The following TMEM132D variants were observed in gnomAD, a reference collection of about 807,000 sequenced individuals.
The protein encoded by TMEM132D is mature OL transmembrane protein.
TMEM132D carries 21 observed loss-of-function variants against 62.3 expected under a neutral mutation model. The observed-to-expected ratio is 0.34, with a 90% CI of 0.24 to 0.49. The LOEUF is 0.49. TMEM132D is among the 20% of genes least tolerant of loss of function. The pLI is 0.99. For missense variants in TMEM132D, 1,346 were observed against 1,402.8 expected (o/e 0.96, Z 0.65); for synonymous variants, 621 against 575.6 (o/e 1.08, Z -1.13).
chr12:129,572,642 T>A (rs899473112), intron 2 of TMEM132D, among the ~76,000 whole-genome samples: 5 of 151,936 alleles, frequency 3.3e-5, no homozygotes, highest in African/African-American at 1.2e-4. Flanking sequence ...AGAGATGGGG[T>A]TTCTCCATGT....
rs1325330116 is a variant in TMEM132D at position 129,833,624 on chromosome 12, C to CA, written c.79+69636dup. 2.6e-5 allele frequency among the ~76,000 whole-genome samples: 4 copies of CA among 151,902 alleles called. No homozygotes were observed. In the South Asian group the frequency reaches 6.2e-4, roughly 24 times the overall value. ...TGGGCAACAGAGCAAGACCCTATCT[C>CA]AAAAAAACAAAAAACTCAGAATATT... On this transcript the variant is annotated intron_variant, in intron 1 of 8. Coordinates refer to ENST00000422113, the MANE Select transcript of TMEM132D (RefSeq NM_133448.3).
At chr12:129,735,918 C>A (rs1245348464) in intron 1 of TMEM132D, among the ~76,000 whole-genome samples, 1 of 152,164 alleles carries the variant, frequency 6.6e-6, no homozygotes, top group Non-Finnish European at 1.5e-5. Flanking sequence ...ATGGCTGAAG[C>A]ACGAATGAGG....
chr12:129,224,281 G>A (rs1333427707), intron 4 of TMEM132D, among the ~76,000 whole-genome samples: 1 of 151,894 alleles, frequency 6.6e-6, no homozygotes, highest in Non-Finnish European at 1.5e-5. Flanking sequence ...CCATTTTCCC[G>A]GGGATCCTCC....
intron 2 of TMEM132D, among the ~76,000 whole-genome samples, chr12:129,634,320 A>G (rs1879423086): frequency 6.6e-6 from 1 of 151,918 alleles, no homozygotes; most frequent in South Asian, 2.1e-4. Flanking sequence ...GTTAAAAAAA[A>G]AAAATTAGCG....
intron 4 of TMEM132D, among the ~76,000 whole-genome samples, chr12:129,226,455 G>A (rs529490124): frequency 1.3e-4 from 20 of 152,288 alleles, no homozygotes; most frequent in African/African-American, 4.6e-4. Context: ...CCTGTCTGCC[G>A]CGGCACCAGA....
At chr12:129,559,491 G>T (rs1019023875) in intron 2 of TMEM132D, among the ~76,000 whole-genome samples, 2 of 152,132 alleles carry the variant, frequency 1.3e-5, no homozygotes, top group Non-Finnish European at 1.5e-5. Context: ...GAAGACGCTG[G>T]TTATTTTTTC....
At chr12:129,724,339 G>A (rs2137246851) in intron 1 of TMEM132D, among the ~76,000 whole-genome samples, 1 of 152,278 alleles carries the variant, frequency 6.6e-6, no homozygotes, top group African/African-American at 2.4e-5. Flanking sequence ...AGAAACAGGA[G>A]ACATAGAACA....
intron 6 of TMEM132D, 131 bp from the exon 7 acceptor site, chr12:129,082,163 C>T: frequency 8.8e-7 from 1 of 1,132,814 alleles, no homozygotes. Context: ...GCCAGACATG[C>T]AGAGGTGAAC....
chr12:129,181,021 TGAG>T (rs1878051641), intron 5 of TMEM132D, among the ~76,000 whole-genome samples: 1 of 152,078 alleles, frequency 6.6e-6, no homozygotes, highest in East Asian at 1.9e-4. Flanking sequence ...AAACCAGTTA[TGAG>T]GATGCTGCCA....
chr12:129,105,144 A>G (rs12366318), intron 5 of TMEM132D, among the ~76,000 whole-genome samples: 4 of 91,240 alleles, frequency 4.4e-5, no homozygotes, highest in African/African-American at 1.3e-4. Flanking sequence ...GAACCAACCC[A>G]AATGTCCAAC....
At chr12:129,289,253 AACTGCCCTGGC>A (rs1881381822) in intron 4 of TMEM132D, among the ~76,000 whole-genome samples, 1 of 152,212 alleles carries the variant, frequency 6.6e-6, no homozygotes, top group African/African-American at 2.4e-5. Flanking sequence ...AACTAATTTT[AACTGCCCTGGC>A]CGGGCGCCAT....
chr12:129,554,725 C>A (rs1877005267), intron 2 of TMEM132D, among the ~76,000 whole-genome samples: 1 of 152,106 alleles, frequency 6.6e-6, no homozygotes, highest in Non-Finnish European at 1.5e-5. Context: ...AACCTGGAGA[C>A]CTGCTTTCAT....
chr12:129,326,248 C>T (rs1222385466), intron 4 of TMEM132D, among the ~76,000 whole-genome samples: 1 of 152,120 alleles, frequency 6.6e-6, no homozygotes, highest in Admixed American at 6.5e-5. Flanking sequence ...TTTTAGGGAA[C>T]CCTTCATTCA....
At chr12:129,477,957 T>A (rs1472787031) in intron 3 of TMEM132D, among the ~76,000 whole-genome samples, 1 of 152,184 alleles carries the variant, frequency 6.6e-6, no homozygotes, top group African/African-American at 2.4e-5. Flanking sequence ...CATTGTTGTG[T>A]GAACATCATA....
intron 3 of TMEM132D, among the ~76,000 whole-genome samples, chr12:129,415,647 C>A (rs1872095585): frequency 1.3e-5 from 2 of 152,212 alleles, no homozygotes; most frequent in Admixed American, 1.3e-4. Context: ...CACATCCCAT[C>A]TGCTCAGGTC....
At position 129,895,849 on chromosome 12, in the gene TMEM132D, A is replaced by G. The variant is rs925275344; in HGVS notation, c.79+7412T>C. On this transcript the variant is annotated intron_variant, in intron 1 of 8. Transcript: ENST00000422113. ...AAAAAAATTACTTGGTGAAGGAAGAAGAGAAAGGCTGAGAAACCATATGCC... is the reference window on the plus strand; with the variant it reads ...AAAAAAATTACTTGGTGAAGGAAGAGGAGAAAGGCTGAGAAACCATATGCC... Among the ~76,000 whole-genome samples the G allele has an allele frequency of 5.3e-5, 8 of 152,238 alleles. No individual in the cohort carries two copies. In the South Asian group the frequency reaches 1.7e-3, roughly 32 times the overall value.
intron 3 of TMEM132D, among the ~76,000 whole-genome samples, chr12:129,440,977 A>G (rs1872920801): frequency 1.3e-5 from 2 of 152,154 alleles, no homozygotes; most frequent in Non-Finnish European, 2.9e-5. Flanking sequence ...GCATTTACCA[A>G]TTATCGTTGA....
intron 4 of TMEM132D, among the ~76,000 whole-genome samples, chr12:129,244,625 T>G (rs1053093205): frequency 4.6e-5 from 7 of 152,098 alleles, no homozygotes; most frequent in Middle Eastern, 3.4e-3. Context: ...GTTTTTTGTT[T>G]TATTTTTGTT....
At chr12:129,482,967 G>C (rs1874475263) in intron 3 of TMEM132D, among the ~76,000 whole-genome samples, 1 of 151,544 alleles carries the variant, frequency 6.6e-6, no homozygotes, top group Non-Finnish European at 1.5e-5. Flanking sequence ...GTGTGTGTGT[G>C]TGTGTGTGTG....
Sources: gnomAD v4.1 joint callset for allele counts (sites outside exome capture counted in the v4.1 genomes callset) on GRCh38, gnomAD v4.1.1 for gene constraint, MANE v1.5 for transcripts, NCBI Gene and HGNC (gene_info 2026-07-23, HGNC 2026-07-21) for gene names.